The following MCC variants were observed in gnomAD, a reference collection of about 807,000 sequenced individuals.
The protein encoded by MCC is colorectal mutant cancer protein.
Under a neutral mutation model 116.2 loss-of-function variants are expected in MCC, and 90 were observed. That is an observed-to-expected ratio of 0.77 (90% CI 0.65 to 0.92). The LOEUF (loss-of-function observed/expected upper bound fraction) is 0.92. Among genes scored for constraint, MCC ranks in the 40% least tolerant of loss-of-function variants. MCC has a pLI of 0.00. For missense variants in MCC, 1,516 were observed against 1,312.2 expected (o/e 1.16, Z -2.40); for synonymous variants, 578 against 510.5 (o/e 1.13, Z -1.78).
chr5:113,400,811 T>C (rs547873906), intron 1 of MCC, among the ~76,000 whole-genome samples: 43 of 152,332 alleles, frequency 2.8e-4, no homozygotes, highest in African/African-American at 9.6e-4. Flanking sequence ...AAAGAGCACC[T>C]TTTTGTTAAT....
At chr5:113,185,114 C>T (rs541528231) in intron 3 of MCC, among the ~76,000 whole-genome samples, 1 of 152,270 alleles carries the variant, frequency 6.6e-6, no homozygotes, top group Non-Finnish European at 1.5e-5. Flanking sequence ...CACGATGGTT[C>T]AAACATCAAC....
chr5:113,180,800 T>C (rs1329409916), intron 3 of MCC, among the ~76,000 whole-genome samples: 2 of 152,218 alleles, frequency 1.3e-5, no homozygotes, highest in Non-Finnish European at 2.9e-5. Context: ...TAATTTTTAT[T>C]TTAATATTTT....
At chr5:113,216,154 A>G (rs1763307226) in intron 3 of MCC, among the ~76,000 whole-genome samples, 1 of 152,124 alleles carries the variant, frequency 6.6e-6, no homozygotes, top group Non-Finnish European at 1.5e-5. Flanking sequence ...CAAAAATGGC[A>G]GAATTAAGAA....
chr5:113,407,332 T>C (rs576268434), intron 1 of MCC, among the ~76,000 whole-genome samples: 39 of 152,350 alleles, frequency 2.6e-4, no homozygotes, highest in African/African-American at 8.2e-4. Context: ...AAGTGTATTA[T>C]GGCATTAGGC....
intron 2 of MCC, among the ~76,000 whole-genome samples, chr5:113,360,194 TA>T (rs34143495): frequency 0.36 from 53,548 of 148,184 alleles, 11,424 homozygotes; most frequent in African/African-American, 0.61. Flanking sequence ...CCAAGGGGAA[TA>T]AAAAAAAAAA....
chr5:113,451,930 A>G (rs552299905), intron 1 of MCC, among the ~76,000 whole-genome samples: 2 of 152,256 alleles, frequency 1.3e-5, no homozygotes, highest in East Asian at 3.9e-4. Flanking sequence ...GCTCTACATC[A>G]TGTCCAACTG....
chr5:113,132,821 T>G (rs1758543925), intron 5 of MCC, among the ~76,000 whole-genome samples: 1 of 152,146 alleles, frequency 6.6e-6, no homozygotes, highest in Non-Finnish European at 1.5e-5. Flanking sequence ...AATTTCCTCT[T>G]GATAGTTACT....
intron 1 of MCC, among the ~76,000 whole-genome samples, chr5:113,439,761 T>C (rs1770976615): frequency 6.6e-6 from 1 of 152,216 alleles, no homozygotes; most frequent in Non-Finnish European, 1.5e-5. Flanking sequence ...GCTCATGGGA[T>C]TGTTGCAAGG....
intron 1 of MCC, among the ~76,000 whole-genome samples, chr5:113,425,173 G>T (rs574761419): frequency 1.4e-3 from 211 of 152,220 alleles, no homozygotes; most frequent in Non-Finnish European, 2.5e-3. Context: ...ACAACAACAG[G>T]TCTTATAAAA....
intron 1 of MCC, among the ~76,000 whole-genome samples, chr5:113,444,544 C>T (rs1257464402): frequency 6.6e-6 from 1 of 152,192 alleles, no homozygotes; most frequent in Non-Finnish European, 1.5e-5. Context: ...GTTTCCTCAT[C>T]TAAACTATAT....
intron 2 of MCC, among the ~76,000 whole-genome samples, chr5:113,369,205 C>A (rs1345564910): frequency 6.6e-6 from 1 of 152,074 alleles, no homozygotes; most frequent in Admixed American, 6.5e-5. Flanking sequence ...CTCTTCCCTC[C>A]CCAGAGGTTG....
chr5:113,378,412 AAG>A (rs1195003254), intron 2 of MCC, among the ~76,000 whole-genome samples: 2 of 152,210 alleles, frequency 1.3e-5, no homozygotes, highest in Non-Finnish European at 2.9e-5. Context: ...AAGGGCAATA[AAG>A]AGTCTTTGGA....
intron 14 of MCC, 78 bp downstream of exon 14, chr5:113,063,906 G>A (rs1260193769): frequency 2.1e-6 from 3 of 1,449,008 alleles, no homozygotes; most frequent in Non-Finnish European, 1.9e-6. Flanking sequence ...CCCAAGAGCT[G>A]GGTCACTGCA....
intron 2 of MCC, among the ~76,000 whole-genome samples, chr5:113,372,426 A>G (rs1337308133): frequency 6.6e-6 from 1 of 152,196 alleles, no homozygotes; most frequent in African/African-American, 2.4e-5. Context: ...CTGATCTACA[A>G]AAGAAATCTA....
At chr5:113,092,691 G>A (rs1239130842) in intron 8 of MCC, among the ~76,000 whole-genome samples, 1 of 152,148 alleles carries the variant, frequency 6.6e-6, no homozygotes, top group African/African-American at 2.4e-5. Flanking sequence ...TGAGATGAAA[G>A]AAACAATGAA....
chr5:113,305,960 C>T (rs1766975482), intron 3 of MCC, among the ~76,000 whole-genome samples: 1 of 152,168 alleles, frequency 6.6e-6, no homozygotes, highest in South Asian at 2.1e-4. Context: ...TACGTTGTGT[C>T]TCTGGATTTA....
intron 6 of MCC, among the ~76,000 whole-genome samples, chr5:113,108,341 A>T (rs1374365603): frequency 2.0e-5 from 3 of 147,216 alleles, no homozygotes; most frequent in African/African-American, 7.5e-5. Context: ...TAAAAAAAAA[A>T]AAAAAAAAAA....
At position 113,327,421 on chromosome 5, in the gene MCC, C is replaced by A. The variant is rs1197458487; in HGVS notation, c.627+13098G>T. 2.0e-5 allele frequency among the ~76,000 whole-genome samples: 3 copies of A among 150,724 alleles called. No homozygotes were observed. In the East Asian group the frequency reaches 5.8e-4, roughly 29 times the overall value. On this transcript the variant is annotated intron_variant, in intron 3 of 18. Transcript: ENST00000408903. ...ATTTGCCGGGTGTGGTGGTGTGAGCCTGTAGTCCCAGCTACTCGGGAGGCT... is the reference window on the plus strand; with the variant it reads ...ATTTGCCGGGTGTGGTGGTGTGAGCATGTAGTCCCAGCTACTCGGGAGGCT...
chr5:113,427,820 C>A (rs1013869773), intron 1 of MCC, among the ~76,000 whole-genome samples: 8 of 152,178 alleles, frequency 5.3e-5, no homozygotes, highest in Admixed American at 2.6e-4. Flanking sequence ...CACTAATTAA[C>A]AGCCAAGTGA....
Sources: gnomAD v4.1 joint callset for allele counts (sites outside exome capture counted in the v4.1 genomes callset) on GRCh38, gnomAD v4.1.1 for gene constraint, MANE v1.5 for transcripts, NCBI Gene and HGNC (gene_info 2026-07-23, HGNC 2026-07-21) for gene names.